ILRUN: variants seen among roughly 807,000 people sequenced by gnomAD.
ILRUN encodes protein ILRUN.
A neutral mutation model predicts 33.8 loss-of-function variants in ILRUN; 3 were observed. That is an observed-to-expected ratio of 0.09 (90% CI 0.04 to 0.23). ILRUN has a LOEUF of 0.23. ILRUN is among the 10% of genes least tolerant of loss of function. ILRUN has a pLI of 1.00. For synonymous variants in ILRUN, 124 were observed against 138.9 expected, an observed-to-expected ratio of 0.89 and a Z score of 0.75; for missense variants, 210 against 375.1, an observed-to-expected ratio of 0.56 and a Z score of 3.64.
chr6:34,682,021 C>CTTTTTTTTTTTTTT lies in ILRUN; in HGVS notation c.158+14424_158+14425insAAAAAAAAAAAAAA, dbSNP rs1377020252. 7.8e-4 allele frequency among the ~76,000 whole-genome samples: 101 copies of CTTTTTTTTTTTTTT among 130,028 alleles called. 4 individuals carry two copies. The highest frequency in any genetic ancestry group is 2.7e-3 in the African/African-American group (91 of 33,684). 85.3% of individuals were successfully genotyped at this position (130,028 alleles called of 152,430 possible). A position where few individuals can be genotyped will look rare whatever the true frequency, so the allele number is the denominator to read the frequency against. ...TGCATGCCACCACACCCCACTAATT[C>CTTTTTTTTTTTTTT]TTATATTTTTATTTTTTTACTTTTT... On this transcript the variant is annotated intron_variant, in intron 1 of 4. Transcript: ENST00000374023.
chr6:34,609,587 A>T (rs1311445646), intron 3 of ILRUN, among the ~76,000 whole-genome samples: 1 of 152,188 alleles, frequency 6.6e-6, no homozygotes, highest in African/African-American at 2.4e-5. Flanking sequence ...CCAAACAGCC[A>T]GCCTGGATGA....
Position 34,621,295 on chromosome 6 carries a change from G to A in ILRUN, c.512-14391C>T, listed in dbSNP as rs184597257. ...AATTTCAAGATAAGTCACTGTTGAT[G>A]AACAAAAGGATTCCCCCACTTCAAA... On this transcript the variant is annotated intron_variant, in intron 3 of 4. Coordinates refer to ENST00000374023, the MANE Select transcript of ILRUN (RefSeq NM_024294.4). 1.3e-4 allele frequency among the ~76,000 whole-genome samples: 20 copies of A among 152,290 alleles called. 1 individual carries two copies. Among genetic ancestry groups the A allele is most frequent in the African/African-American group, 4.6e-4 (19 of 41,548 alleles).
At chr6:34,635,375 C>T (rs1459914196) in intron 3 of ILRUN, among the ~76,000 whole-genome samples, 1 of 151,928 alleles carries the variant, frequency 6.6e-6, no homozygotes, top group Non-Finnish European at 1.5e-5. Context: ...AATCAAAATG[C>T]ACATTAGCGG....
At chr6:34,687,302 C>T (rs2744960) in intron 1 of ILRUN, among the ~76,000 whole-genome samples, 1,746 of 151,980 alleles carry the variant, frequency 0.011, 16 homozygotes, top group Middle Eastern at 0.034. Flanking sequence ...GGCCAAAAAG[C>T]ACATAAAAAT....
intron 3 of ILRUN, among the ~76,000 whole-genome samples, chr6:34,636,766 TAA>T (rs1762374781): frequency 6.6e-6 from 1 of 152,204 alleles, no homozygotes; most frequent in African/African-American, 2.4e-5. Flanking sequence ...ATAATTTGAA[TAA>T]AAGTCAATTA....
At position 34,587,885 on chromosome 6, in the gene ILRUN, T is replaced by C. The variant is rs1761224667; in HGVS notation, c.*2680A>G. 2.6e-6 allele frequency: 1 copy of C among 390,598 alleles called. No individual in the cohort carries two copies. The allele number at this position is 390,598 out of a possible 1,614,324, so 24.2% of individuals were successfully genotyped here. On this transcript the variant is annotated 3_prime_UTR_variant, in exon 5 of 5. Coordinates refer to ENST00000374023, the MANE Select transcript of ILRUN (RefSeq NM_024294.4). ...TGTCTCCCCAACTGGGTTCAGACCC[T>C]ATCACCTAACCATGGTGTCTGCCTC...
intron 1 of ILRUN, among the ~76,000 whole-genome samples, chr6:34,681,787 T>G (rs914202065): frequency 6.6e-6 from 1 of 151,558 alleles, no homozygotes; most frequent in African/African-American, 2.4e-5. Flanking sequence ...GGGTAAGAAT[T>G]TGTTGCTTAA....
intron 4 of ILRUN, among the ~76,000 whole-genome samples, chr6:34,597,849 T>C (rs1048172506): frequency 1.3e-5 from 2 of 152,196 alleles, no homozygotes; most frequent in Non-Finnish European, 2.9e-5. Context: ...GAACACACCC[T>C]GCCTGTGGTT....
At chr6:34,598,920 C>G (rs1761454867) in intron 4 of ILRUN, among the ~76,000 whole-genome samples, 1 of 152,180 alleles carries the variant, frequency 6.6e-6, no homozygotes, top group African/African-American at 2.4e-5. Context: ...TGGCAAGTCC[C>G]TTCTGGTACA....
intron 2 of ILRUN, among the ~76,000 whole-genome samples, chr6:34,650,158 C>T (rs1183770891): frequency 6.6e-6 from 1 of 152,130 alleles, no homozygotes; most frequent in Admixed American, 6.5e-5. Flanking sequence ...GGTAGTATAA[C>T]AACTGAGAAG....
intron 3 of ILRUN, among the ~76,000 whole-genome samples, chr6:34,612,219 GC>G (rs1761771545): frequency 2.4e-5 from 2 of 84,670 alleles, no homozygotes; most frequent in Admixed American, 2.1e-4. Context: ...TTTGCGACCA[GC>G]CTATGGCAAC....
At position 34,606,561 on chromosome 6, in the gene ILRUN, G is replaced by A. The variant is rs202096693; in HGVS notation, c.855C>T (p.Tyr285=). Residue 285 remains tyrosine (Y), a synonymous_variant, in exon 4 of 5, where the codon TAC becomes TAT. Coordinates refer to ENST00000374023, the MANE Select transcript of ILRUN (RefSeq NM_024294.4). ...CTTCTCCAAGGGCACCTACCTTACT[G>A]TAAGTCACTACTGATAAGTTGTTTG... ...SHANNLSVVT[Y]SKGLHGPYPF... is the part of the protein sequence containing the mutation. 1.1e-5 allele frequency: 17 copies of A among 1,612,724 alleles called. No individual in the cohort carries two copies. The Middle Eastern group carries it at 6.7e-4, about 64-fold the overall frequency.
chr6:34,635,565 AAGGGAGGGAGGG>A (rs778767271), intron 3 of ILRUN, among the ~76,000 whole-genome samples: 22 of 119,530 alleles, frequency 1.8e-4, no homozygotes, highest in South Asian at 6.3e-4. Flanking sequence ...GGAAGGAAGG[AAGGGAGGGAGGG>A]AGGGAGGGAG....
At chr6:34,633,065 G>T (rs1762280394) in intron 3 of ILRUN, among the ~76,000 whole-genome samples, 1 of 152,134 alleles carries the variant, frequency 6.6e-6, no homozygotes, top group Non-Finnish European at 1.5e-5. Flanking sequence ...CAAATAAAAT[G>T]ATACATGCAG....
chr6:34,610,217 T>G (rs1260764095), intron 3 of ILRUN, among the ~76,000 whole-genome samples: 1 of 151,828 alleles, frequency 6.6e-6, no homozygotes, highest in Non-Finnish European at 1.5e-5. Flanking sequence ...AATCCCCATG[T>G]AAACTAGCAA....
intron 3 of ILRUN, among the ~76,000 whole-genome samples, chr6:34,629,046 T>C (rs917469294): frequency 6.6e-6 from 1 of 152,064 alleles, no homozygotes; most frequent in South Asian, 2.1e-4. Flanking sequence ...GAGACAGAGG[T>C]TGCAGTGACC....
chr6:34,617,525 G>C (rs1177099778), intron 3 of ILRUN, among the ~76,000 whole-genome samples: 1 of 152,052 alleles, frequency 6.6e-6, no homozygotes, highest in African/African-American at 2.4e-5. Flanking sequence ...CACATGTCTG[G>C]GCACTCAGAT....
intron 2 of ILRUN, among the ~76,000 whole-genome samples, chr6:34,647,581 G>A (rs1762583754): frequency 6.6e-6 from 1 of 152,062 alleles, no homozygotes; most frequent in Non-Finnish European, 1.5e-5. Context: ...AATTTAACCT[G>A]TAACTCTTTA....
At chr6:34,683,145 T>A (rs1026322332) in intron 1 of ILRUN, among the ~76,000 whole-genome samples, 1 of 145,432 alleles carries the variant, frequency 6.9e-6, no homozygotes, top group Non-Finnish European at 1.5e-5. Flanking sequence ...CACACACACA[T>A]ATAAATACAC....
Sources: gnomAD v4.1 joint callset for allele counts (sites outside exome capture counted in the v4.1 genomes callset) on GRCh38, gnomAD v4.1.1 for gene constraint, MANE v1.5 for transcripts, NCBI Gene and HGNC (gene_info 2026-07-23, HGNC 2026-07-21) for gene names.